Variants in HSPA12A observed in about 807,000 individuals in gnomAD.
The protein encoded by HSPA12A is heat shock protein family A (Hsp70) member 12A.
HSPA12A carries 28 observed loss-of-function variants against 69.2 expected under a neutral mutation model. The observed-to-expected ratio is 0.40, with a 90% CI of 0.30 to 0.55. The LOEUF is 0.55. Ranked by LOEUF, HSPA12A falls within the 20% of genes least tolerant of loss-of-function variation. HSPA12A has a pLI of 0.38. For missense variants in HSPA12A, 686 were observed against 900.7 expected, an observed-to-expected ratio of 0.76 and a Z score of 3.05; for synonymous variants, 345 against 370.5, an observed-to-expected ratio of 0.93 and a Z score of 0.79.
intron 10 of HSPA12A, among the ~76,000 whole-genome samples, 177 bp from the exon 11 acceptor site, chr10:116,676,679 G>A (rs1784186931): frequency 6.6e-6 from 1 of 152,166 alleles, no homozygotes; most frequent in African/African-American, 2.4e-5. Flanking sequence ...ACCCTTAGAA[G>A]CTCAAAAGCT....
intron 6 of HSPA12A, among the ~76,000 whole-genome samples, chr10:116,685,806 G>C (rs561765387): frequency 6.6e-6 from 1 of 152,144 alleles, no homozygotes; most frequent in Non-Finnish European, 1.5e-5. Flanking sequence ...CAGCAGGCAG[G>C]TGACTGAACA....
chr10:116,676,172 G>C (rs1554877674), intron 11 of HSPA12A, among the ~76,000 whole-genome samples: 1 of 152,222 alleles, frequency 6.6e-6, no homozygotes, highest in African/African-American at 2.4e-5. Context: ...AAGCTTGGGT[G>C]AGACAAGCTC....
intron 2 of HSPA12A, among the ~76,000 whole-genome samples, chr10:116,786,793 C>A (rs1024005902): frequency 6.6e-6 from 1 of 152,078 alleles, no homozygotes; most frequent in Non-Finnish European, 1.5e-5. Context: ...GTGCCCACCA[C>A]CACGTCCAGC....
At chr10:116,692,156 T>C (rs1259151370) in intron 6 of HSPA12A, among the ~76,000 whole-genome samples, 195 bp downstream of exon 6, 1 of 152,150 alleles carries the variant, frequency 6.6e-6, no homozygotes, top group African/African-American at 2.4e-5. Context: ...CTGACCCCCA[T>C]GGCTCCCCCA....
intron 2 of HSPA12A, among the ~76,000 whole-genome samples, chr10:116,811,077 G>C (rs1440261655): frequency 6.6e-6 from 1 of 152,156 alleles, no homozygotes; most frequent in Admixed American, 6.5e-5. Flanking sequence ...AGGTGGTCAG[G>C]GAAGGCTTCC....
At chr10:116,815,248 C>CAA (rs61008848) in intron 2 of HSPA12A, among the ~76,000 whole-genome samples, 1 of 102,130 alleles carries the variant, frequency 9.8e-6, no homozygotes, top group Admixed American at 1.1e-4. Context: ...ATCCAAAAGA[C>CAA]AAAAAAAAAA....
Position 116,707,277 on chromosome 10 carries a change from G to C in HSPA12A, c.49C>G (p.Pro17Ala), listed in dbSNP as rs782775722. 1 of 1,611,848 alleles carries C rather than the reference G, an allele frequency of 6.2e-7. No individual in the cohort carries two copies. Among genetic ancestry groups the C allele is most frequent in the Non-Finnish European group, 8.5e-7 (1 of 1,179,282 alleles). The stretch of plus-strand genomic sequence containing the variant: ...GCTGGAGATGAATATGCAGATGTGG[G>C]AGCCGTTTCTGAAAGGAAAAACAAA... ...GGSDGPRETAPTSAYSSPARS... is the reference protein window; with the variant it reads ...GGSDGPRETAATSAYSSPARS... Residue 17 changes from proline (P) to alanine (A), a missense_variant, in exon 2 of 12, where the codon CCC becomes GCC. Transcript: ENST00000369209.
rs782490956 is a variant in HSPA12A, at chr10:116,674,961, G to T, written c.1848C>A (p.Pro616=). 1.2e-6 allele frequency: 2 copies of T among 1,614,146 alleles called. No individual in the cohort carries two copies. The highest frequency in any genetic ancestry group is 2.2e-5 in the East Asian group (1 of 44,876). The change falls in exon 12 of 12, where the codon CCC becomes CCA. Residue 616 remains proline, a synonymous_variant. Coordinates refer to ENST00000369209, the MANE Select transcript of HSPA12A (RefSeq NM_025015.3). The stretch of plus-strand genomic sequence containing the variant: ...GGAGCGTGCCACACTTCTTCACCCC[G>T]GGATCAGTGATGAAGCTGACGTTGT... ...EHDNVSFITD[P]GVKKCGTLRL...
At chr10:116,825,232 G>A (rs939286834) in intron 2 of HSPA12A, among the ~76,000 whole-genome samples, 13 of 151,546 alleles carry the variant, frequency 8.6e-5, no homozygotes, top group African/African-American at 2.2e-4. Context: ...TGAAGTGGCC[G>A]GGCGTGGTGG....
upstream of HSPA12A, chr10:116,742,575 G>C (rs1554887376): frequency 3.5e-6 from 4 of 1,142,106 alleles, no homozygotes; most frequent in East Asian, 1.3e-4. Context: ...CTGAGCCGCC[G>C]GGCAGCGGGA....
upstream of HSPA12A, among the ~76,000 whole-genome samples, chr10:116,745,415 C>T (rs1191393645): frequency 6.6e-6 from 1 of 152,226 alleles, no homozygotes. Flanking sequence ...TCCAAAGACT[C>T]CTCCTCACAG....
intron 1 of HSPA12A, chr10:116,835,047 C>T (rs1845684206): frequency 8.2e-7 from 1 of 1,215,138 alleles, no homozygotes; most frequent in Non-Finnish European, 1.0e-6. Context: ...AAAAGAGTTG[C>T]ACTGTGAAAA....
intron 1 of HSPA12A, among the ~76,000 whole-genome samples, chr10:116,847,391 G>A (rs540086782): frequency 6.6e-6 from 1 of 152,184 alleles, no homozygotes; most frequent in South Asian, 2.1e-4. Flanking sequence ...ACCCATCAAT[G>A]CTACCCACTG....
intron 1 of HSPA12A, among the ~76,000 whole-genome samples, chr10:116,718,675 C>A (rs187819512): frequency 1.9e-4 from 29 of 152,276 alleles, no homozygotes; most frequent in African/African-American, 7.0e-4. Flanking sequence ...AGGCATCTTT[C>A]CAAGCCTTGA....
chr10:116,807,832 G>A (rs754736042), intron 2 of HSPA12A, among the ~76,000 whole-genome samples: 7 of 152,250 alleles, frequency 4.6e-5, no homozygotes, highest in South Asian at 4.1e-4. Context: ...GGCTACCAAC[G>A]CCTCCTCATT....
rs1849410714 is a variant in HSPA12A, at chr10:116,681,820, A to G, written c.893T>C (p.Ile298Thr). The G allele has an allele frequency of 6.2e-7, 1 of 1,614,130 alleles. No homozygotes were observed. The highest frequency in any genetic ancestry group is 8.5e-7 in the Non-Finnish European group (1 of 1,179,966). The change falls in exon 8 of 12, where the codon ATA (isoleucine) becomes ACA (threonine). Residue 298 changes from isoleucine (I) to threonine (T), a missense_variant. Ile to Thr is a moderately conservative substitution (Grantham distance 89). Transcript: ENST00000369209. ...QSRTFLVENV[I>T]GEIWSELEEG... Reference sequence around the variant, plus strand: ...CTCCAGCTCGGACCAGATTTCTCCTATGACATTCTCCACCAAAAAGGTCCG... The same window carrying G: ...CTCCAGCTCGGACCAGATTTCTCCTGTGACATTCTCCACCAAAAAGGTCCG...
At chr10:116,822,652 C>T (rs530366465) in intron 2 of HSPA12A, among the ~76,000 whole-genome samples, 2 of 152,266 alleles carry the variant, frequency 1.3e-5, no homozygotes, top group Non-Finnish European at 2.9e-5. Flanking sequence ...TTAATGTTCT[C>T]AGAGAGAGGT....
chr10:116,773,066 G>A (rs79905289), intron 2 of HSPA12A, among the ~76,000 whole-genome samples: 3 of 152,144 alleles, frequency 2.0e-5, no homozygotes, highest in African/African-American at 4.8e-5. Flanking sequence ...TAGACTAAAA[G>A]TCTGGGTGAG....
chr10:116,774,571 G>A (rs1034455835), intron 2 of HSPA12A, among the ~76,000 whole-genome samples: 1 of 152,204 alleles, frequency 6.6e-6, no homozygotes, highest in African/African-American at 2.4e-5. Flanking sequence ...TGTCAATGGT[G>A]CTCTTGGGTC....
Sources: gnomAD v4.1 joint callset for allele counts (sites outside exome capture counted in the v4.1 genomes callset) on GRCh38, gnomAD v4.1.1 for gene constraint, MANE v1.5 for transcripts, NCBI Gene and HGNC (gene_info 2026-07-23, HGNC 2026-07-21) for gene names.